Variants in RAPGEF2 observed in about 807,000 individuals in gnomAD.
The protein encoded by RAPGEF2 is PDZ domain containing guanine nucleotide exchange factor (GEF) 1.
A neutral mutation model predicts 186.7 loss-of-function variants in RAPGEF2; 54 were observed. The ratio of observed to expected loss-of-function variants is 0.29; its 90% CI spans 0.23 to 0.36. The LOEUF is 0.36. RAPGEF2 is among the 10% of genes least tolerant of loss of function. The pLI, the probability that RAPGEF2 is intolerant of heterozygous loss-of-function variation, is 1.00. For synonymous variants in RAPGEF2, 712 were observed against 705.9 expected (o/e 1.01, Z -0.14); for missense variants, 1,532 against 2,045.0 (o/e 0.75, Z 4.84).
At position 159,355,833 on chromosome 4, in the gene RAPGEF2, G is replaced by A. The variant is rs1731902055; in HGVS notation, c.4652-20G>A. The stretch of plus-strand genomic sequence containing the variant: ...TGGCATGAACTAGTTTTTAATGCTG[G>A]TGCATTGTTTCTACTCTAGCACGAA... On this transcript the variant is annotated intron_variant, in intron 28 of 29. Transcript: ENST00000691494. 1.3e-6 allele frequency: 2 copies of A among 1,526,396 alleles called. No individual in the cohort carries two copies. The highest frequency in any genetic ancestry group is 2.8e-5 in the African/African-American group (2 of 72,452). 94.6% of individuals were successfully genotyped at this position (1,526,396 alleles called of 1,614,324 possible).
intron 3 of RAPGEF2, among the ~76,000 whole-genome samples, chr4:159,206,512 T>A (rs1222032794): frequency 1.3e-5 from 2 of 152,192 alleles, no homozygotes; most frequent in East Asian, 3.8e-4. Context: ...TACTACTAAG[T>A]ACTATTTTCA....
chr4:159,198,096 G>C (rs1056823986), intron 3 of RAPGEF2, among the ~76,000 whole-genome samples: 1 of 151,994 alleles, frequency 6.6e-6, no homozygotes, highest in African/African-American at 2.4e-5. Context: ...ATGTGACCAA[G>C]ATTTTATTTT....
intron 1 of RAPGEF2, among the ~76,000 whole-genome samples, chr4:159,143,295 T>C (rs538910532): frequency 6.6e-6 from 1 of 152,134 alleles, no homozygotes; most frequent in Non-Finnish European, 1.5e-5. Context: ...AAAAAAACTT[T>C]GTTTTTTTCT....
In RAPGEF2 at chr4:159,355,878, G is replaced by GCCCCCCCCCC; in HGVS notation, c.4682_4683insCCCCCCCCCC (p.Thr1563ProfsTer15). On this transcript the variant is annotated frameshift_variant, in exon 29 of 30. Coordinates refer to ENST00000691494, the MANE Select transcript of RAPGEF2 (RefSeq NM_001394067.2). LOFTEE classifies it high-confidence loss of function. ...CACGAAAGGAGGGCAGGTATCGAGA[G>GCCCCCCCCCC]CCCCCGCCCACCCCTCCCGGCTACA... 1.1e-5 allele frequency: 16 copies of GCCCCCCCCCC among 1,515,846 alleles called. No individual in the cohort carries two copies. The highest frequency in any genetic ancestry group is 1.3e-5 in the Non-Finnish European group (15 of 1,117,982). 93.9% of individuals were successfully genotyped at this position (1,515,846 alleles called of 1,614,324 possible).
intron 4 of RAPGEF2, among the ~76,000 whole-genome samples, chr4:159,229,870 G>A (rs1406241265): frequency 6.6e-6 from 1 of 152,046 alleles, no homozygotes; most frequent in African/African-American, 2.4e-5. Flanking sequence ...TGCTGCAAGT[G>A]GTCTTTTCAA....
At chr4:159,350,094 G>A (rs1160201312) in intron 25 of RAPGEF2, 43 bp from the exon 26 acceptor site, 2 of 1,347,396 alleles carry the variant, frequency 1.5e-6, no homozygotes, top group East Asian at 2.5e-5. Flanking sequence ...TTTATTTTCA[G>A]ACTTGAAAAT....
intron 7 of RAPGEF2, among the ~76,000 whole-genome samples, chr4:159,255,998 TTTTG>T (rs1756116188): frequency 6.6e-6 from 1 of 152,214 alleles, no homozygotes; most frequent in African/African-American, 2.4e-5. Flanking sequence ...GATCAGTACA[TTTTG>T]TTTATGTCTA....
chr4:159,186,782 T>C, intron 2 of RAPGEF2, 70 bp downstream of exon 2: 1 of 874,608 alleles, frequency 1.1e-6, no homozygotes, highest in Non-Finnish European at 1.7e-6. Context: ...TTTAACATTT[T>C]AATTTTTTAC....
chr4:159,278,071 G>T (rs527967273), intron 7 of RAPGEF2, among the ~76,000 whole-genome samples: 1 of 152,268 alleles, frequency 6.6e-6, no homozygotes, highest in East Asian at 1.9e-4. Context: ...GGTTTTTATA[G>T]TTTTAGGTCT....
At chr4:159,282,684 C>T (rs1305020465) in intron 7 of RAPGEF2, 2 of 444,960 alleles carry the variant, frequency 4.5e-6, no homozygotes, top group African/African-American at 4.1e-5. Context: ...TCTGGTTAAC[C>T]TTTGCTTAAG....
chr4:159,188,399 C>T (rs954663103), intron 2 of RAPGEF2, among the ~76,000 whole-genome samples: 3 of 152,058 alleles, frequency 2.0e-5, no homozygotes, highest in Non-Finnish European at 2.9e-5. Context: ...CGTGGTGGCT[C>T]ATGCCTGTAA....
rs182487098 is a variant in RAPGEF2, at chr4:159,120,675, C to G, written c.69+16444C>G. On this transcript the variant is annotated intron_variant, in intron 1 of 29. Transcript: ENST00000691494. ...CTAGCATTTATCATCTTTAAATAAG[C>G]TATGTTTCCATAAATTATTTCTTTT... is the stretch of plus-strand genomic sequence containing the variant. Among the ~76,000 whole-genome samples, 797 of 152,174 alleles carry G rather than the reference C, an allele frequency of 5.2e-3. 8 individuals are homozygous for G. Among genetic ancestry groups the G allele is most frequent in the African/African-American group, 0.018 (758 of 41,490 alleles).
At chr4:159,195,467 C>G (rs929050912) in intron 3 of RAPGEF2, among the ~76,000 whole-genome samples, 3 of 152,182 alleles carry the variant, frequency 2.0e-5, no homozygotes. Context: ...CCCATGTCCT[C>G]TAATAAGTGA....
In RAPGEF2 at chr4:159,353,944, G is replaced by A; in HGVS notation, c.4549G>A (p.Ala1517Thr). Residue 1517 changes from alanine to threonine, a missense_variant, in exon 28 of 30, where the codon GCC becomes ACC. Around this residue, in one of 4 missense-constraint regions of RAPGEF2, gnomAD observed 594 missense variants for 608.5 expected, o/e 0.98. Transcript: ENST00000691494. The surrounding 1 kb of genome is among the most constrained non-coding windows in gnomAD (Gnocchi z 4.3). ...GGGTGGAAAGGATGTTTCCATTGAAGCCGAAAGCAGTAGCCTAACGTCTGT... is the reference window on the plus strand; with the variant it reads ...GGGTGGAAAGGATGTTTCCATTGAAACCGAAAGCAGTAGCCTAACGTCTGT... Reference protein sequence around the residue: ...RRGGKDVSIEAESSSLTSVTT... With the variant: ...RRGGKDVSIETESSSLTSVTT... 3 of 1,614,040 alleles carry A rather than the reference G, an allele frequency of 1.9e-6. No homozygotes were observed. The highest frequency in any genetic ancestry group is 2.5e-6 in the Non-Finnish European group (3 of 1,180,032).
intron 3 of RAPGEF2, among the ~76,000 whole-genome samples, chr4:159,195,739 C>T (rs921856182): frequency 6.6e-6 from 1 of 152,150 alleles, no homozygotes; most frequent in Non-Finnish European, 1.5e-5. Flanking sequence ...CACACACTCT[C>T]TCCCTGCCCC....
At chr4:159,169,752 G>A in intron 1 of RAPGEF2, among the ~76,000 whole-genome samples, 1 of 152,126 alleles carries the variant, frequency 6.6e-6, no homozygotes, top group East Asian at 1.9e-4. Context: ...TAAATAATAG[G>A]ATTTCATTTT....
At chr4:159,167,920 C>CT (rs1745498943) in intron 1 of RAPGEF2, among the ~76,000 whole-genome samples, 1 of 152,104 alleles carries the variant, frequency 6.6e-6, no homozygotes, top group South Asian at 2.1e-4. Flanking sequence ...GTATTGTTGT[C>CT]TTTGATTTAC....
intron 5 of RAPGEF2, among the ~76,000 whole-genome samples, chr4:159,240,807 GT>G (rs373635263): frequency 0.015 from 1,936 of 132,952 alleles, 18 homozygotes; most frequent in African/African-American, 0.04. Flanking sequence ...TTCCATCAGG[GT>G]TTTTTTTTTT....
intron 1 of RAPGEF2, among the ~76,000 whole-genome samples, chr4:159,119,675 A>G (rs1244358547): frequency 6.6e-6 from 1 of 152,190 alleles, no homozygotes; most frequent in Non-Finnish European, 1.5e-5. Context: ...ATGATTATTA[A>G]TTTTTTGAAC....
Sources: allele counts gnomAD v4.1 joint callset (sites outside exome capture counted in the v4.1 genomes callset), GRCh38; gene constraint gnomAD v4.1.1; regional missense constraint gnomAD v4.1.1; non-coding constraint Gnocchi (gnomAD v3.1); transcripts MANE v1.5; gene names NCBI Gene and HGNC (gene_info 2026-07-23, HGNC 2026-07-21).